CALN1: variants seen among roughly 807,000 people sequenced by gnomAD.
CALN1 encodes the protein calneuron 1, also known as calcium-binding protein 8.
Under a neutral mutation model 30.6 loss-of-function variants are expected in CALN1, and 17 were observed. The observed-to-expected ratio is 0.56, with a 90% CI of 0.38 to 0.83. The LOEUF (loss-of-function observed/expected upper bound fraction) is 0.83, where lower values mean the gene tolerates loss of function less well. Ranked by LOEUF, CALN1 falls within the 40% of genes least tolerant of loss-of-function variation. The pLI, the probability that CALN1 is intolerant of heterozygous loss-of-function variation, is 0.00. For synonymous variants in CALN1, 156 were observed against 131.4 expected (o/e 1.19, Z -1.28); for missense variants, 291 against 354.9 (o/e 0.82, Z 1.45).
intron 5 of CALN1, among the ~76,000 whole-genome samples, chr7:71,978,567 G>A (rs371517526): frequency 1.4e-4 from 22 of 152,182 alleles, no homozygotes; most frequent in African/African-American, 4.6e-4. Flanking sequence ...AATTCTTTAC[G>A]GTGCTGGCCG....
chr7:71,959,607 T>A (rs920900060), intron 5 of CALN1, among the ~76,000 whole-genome samples: 1 of 147,426 alleles, frequency 6.8e-6, no homozygotes, highest in African/African-American at 2.6e-5. Context: ...GGTTTTGACT[T>A]TTTTACCTTT....
In CALN1 at chr7:71,783,853, T is replaced by C. The variant is rs1792848174; in HGVS notation, c.*3922A>G. On this transcript the variant is annotated 3_prime_UTR_variant, in exon 7 of 7. Transcript: ENST00000395275. The stretch of plus-strand genomic sequence containing the variant: ...TTTTTCATAGGCTCTTTTGGATAAC[T>C]GCAAGATCGTAGACCATTTGTCAAG... The C allele has an allele frequency of 6.6e-6, 1 of 152,580 alleles. No individual in the cohort carries two copies. Among genetic ancestry groups the C allele is most frequent in the African/African-American group, 2.4e-5 (1 of 41,448 alleles). The allele number at this position is 152,580 out of a possible 1,614,324, so 9.5% of individuals were successfully genotyped here.
chr7:72,113,414 A>G (rs1003670044), intron 3 of CALN1, among the ~76,000 whole-genome samples: 5 of 152,184 alleles, frequency 3.3e-5, no homozygotes, highest in African/African-American at 1.2e-4. Flanking sequence ...TGCTGGTGCC[A>G]TGCTTCTTAT....
At chr7:72,241,450 T>C (rs1794825450) in intron 3 of CALN1, among the ~76,000 whole-genome samples, 1 of 152,186 alleles carries the variant, frequency 6.6e-6, no homozygotes, top group Non-Finnish European at 1.5e-5. Context: ...CTCACACCTG[T>C]AATCCCAGCA....
the CALN1 span, among the ~76,000 whole-genome samples, chr7:72,455,640 G>T: frequency 6.6e-6 from 1 of 152,050 alleles, no homozygotes; most frequent in Non-Finnish European, 1.5e-5. Flanking sequence ...TTACTCCGGG[G>T]ACATGGAGGA....
At chr7:72,106,095 C>T in intron 4 of CALN1, 56 bp downstream of exon 4, 1 of 1,584,868 alleles carries the variant, frequency 6.3e-7, no homozygotes, top group Non-Finnish European at 8.6e-7. Flanking sequence ...AACCGAAGGT[C>T]TCACTGATGA....
At chr7:72,119,653 G>C (rs1304943786) in intron 3 of CALN1, among the ~76,000 whole-genome samples, 1 of 152,102 alleles carries the variant, frequency 6.6e-6, no homozygotes, top group East Asian at 1.9e-4. Context: ...CACATGGCTG[G>C]GGAGGCCTTA....
At chr7:71,811,702 G>A (rs1787971213) in intron 5 of CALN1, among the ~76,000 whole-genome samples, 1 of 147,158 alleles carries the variant, frequency 6.8e-6, no homozygotes, top group Non-Finnish European at 1.5e-5. Context: ...TTCCGAAATG[G>A]AGTCTTGCTT....
chr7:71,806,953 C>A (rs763293111), intron 6 of CALN1, among the ~76,000 whole-genome samples: 2 of 152,168 alleles, frequency 1.3e-5, no homozygotes, highest in African/African-American at 2.4e-5. Context: ...GTGTATTGGT[C>A]TATTACTGAA....
At chr7:72,384,997 T>A (rs536169894) in intron 2 of CALN1, among the ~76,000 whole-genome samples, 3 of 152,096 alleles carry the variant, frequency 2.0e-5, no homozygotes, top group East Asian at 3.9e-4. Flanking sequence ...GGTCAAAAAA[T>A]TTGAACATAC....
rs144092830 is a variant in CALN1 at position 72,347,093 on chromosome 7, C to T, written c.119+56158G>A. Among the ~76,000 whole-genome samples, 181 of 152,234 alleles carry T rather than the reference C, an allele frequency of 1.2e-3. 1 individual carries two copies. The highest frequency in any genetic ancestry group is 4.1e-3 in the African/African-American group (172 of 41,522). ...GAGAAAGAATGGGGTGGATGCAATG[C>T]TGGCTGAGAATTTTCCAAAACCAAT... On this transcript the variant is annotated intron_variant, in intron 2 of 6. Coordinates refer to ENST00000395275, the MANE Select transcript of CALN1 (RefSeq NM_031468.4).
chr7:71,928,496 T>C (rs1166254807), intron 5 of CALN1, among the ~76,000 whole-genome samples: 1 of 152,118 alleles, frequency 6.6e-6, no homozygotes, highest in Non-Finnish European at 1.5e-5. Context: ...GACACAATTT[T>C]ACCCCGAATA....
chr7:72,283,445 G>C (rs1262599348), intron 2 of CALN1, among the ~76,000 whole-genome samples: 1 of 152,082 alleles, frequency 6.6e-6, no homozygotes, highest in Non-Finnish European at 1.5e-5. Context: ...TGAAGTGAGA[G>C]GATCATGTGA....
intron 4 of CALN1, among the ~76,000 whole-genome samples, chr7:72,060,014 T>C (rs1803538357): frequency 6.6e-6 from 1 of 152,124 alleles, no homozygotes; most frequent in Non-Finnish European, 1.5e-5. Context: ...TGCTACAGTT[T>C]TTCCTCGAGT....
intron 3 of CALN1, among the ~76,000 whole-genome samples, chr7:72,164,950 C>G (rs1233609730): frequency 2.6e-5 from 4 of 152,072 alleles, no homozygotes; most frequent in Non-Finnish European, 5.9e-5. Flanking sequence ...CTGCCTCAGT[C>G]TTCCAAAGTC....
intron 5 of CALN1, among the ~76,000 whole-genome samples, chr7:71,880,157 G>A (rs1335831675): frequency 6.6e-6 from 1 of 152,106 alleles, no homozygotes; most frequent in African/African-American, 2.4e-5. Flanking sequence ...AACAAAAATG[G>A]AGGTTAGAGA....
intron 5 of CALN1, among the ~76,000 whole-genome samples, chr7:71,948,869 C>G (rs1314841494): frequency 1.3e-5 from 2 of 151,620 alleles, no homozygotes; most frequent in African/African-American, 4.8e-5. Context: ...TAGTGAGACC[C>G]TGTCTTTACA....
intron 6 of CALN1, among the ~76,000 whole-genome samples, chr7:71,795,461 TTTAA>T (rs1315802966): frequency 6.6e-6 from 1 of 152,244 alleles, no homozygotes; most frequent in African/African-American, 2.4e-5. Flanking sequence ...TTTATTTATT[TTTAA>T]TTAAGATATA....
intron 2 of CALN1, among the ~76,000 whole-genome samples, chr7:72,370,774 C>T (rs1354630113): frequency 7.2e-5 from 11 of 151,774 alleles, no homozygotes; most frequent in African/African-American, 2.7e-4. Context: ...CTTGGCTGGG[C>T]ATGGGCTCAT....
Sources: gnomAD v4.1 joint callset for allele counts (sites outside exome capture counted in the v4.1 genomes callset) on GRCh38, gnomAD v4.1.1 for gene constraint, MANE v1.5 for transcripts, NCBI Gene and HGNC (gene_info 2026-07-23, HGNC 2026-07-21) for gene names.